The following OSBPL10 variants were observed in gnomAD, a reference collection of about 807,000 sequenced individuals.
The protein encoded by OSBPL10 is oxysterol binding protein like 10.
OSBPL10 carries 49 observed loss-of-function variants against 81.7 expected under a neutral mutation model. The ratio of observed to expected loss-of-function variants is 0.60; its 90% CI spans 0.48 to 0.76. OSBPL10 has a LOEUF of 0.76. Ranked by LOEUF, OSBPL10 falls within the 30% of genes least tolerant of loss-of-function variation. OSBPL10 has a pLI of 0.00. For missense variants in OSBPL10, 923 were observed against 987.8 expected, an observed-to-expected ratio of 0.93 and a Z score of 0.88; for synonymous variants, 419 against 383.6, an observed-to-expected ratio of 1.09 and a Z score of -1.08.
At chr3:31,897,646 G>A (rs1475180309) in intron 1 of OSBPL10, among the ~76,000 whole-genome samples, 1 of 152,086 alleles carries the variant, frequency 6.6e-6, no homozygotes, top group Non-Finnish European at 1.5e-5. Context: ...GAGAAAAAAG[G>A]CAGAAAACCT....
In OSBPL10 at chr3:31,668,669, A is replaced by G. The variant is rs759223554; in HGVS notation, c.2069T>C (p.Leu690Pro). 4 of 1,613,576 alleles carry G rather than the reference A, an allele frequency of 2.5e-6. No homozygotes were observed. The highest frequency in any genetic ancestry group is 2.5e-6 in the Non-Finnish European group (3 of 1,179,778). Residue 690 changes from leucine (L) to proline (P), a missense_variant, in exon 10 of 12, where the codon CTT becomes CCT. Transcript: ENST00000396556. The part of the protein sequence containing the change: ...LPVYPKKIRP[L>P]EKQGPMESRN... ...GGACTCCATGGGTCCCTGCTTCTCA[A>G]GAGGTCTGATCTTCTTGGGATACAC...
intron 2 of OSBPL10, chr3:31,990,126 G>A: frequency 6.2e-7 from 1 of 1,611,608 alleles, no homozygotes. Flanking sequence ...TTTGTGAAAA[G>A]GCTTTCAGGC....
intron 1 of OSBPL10, among the ~76,000 whole-genome samples, chr3:31,944,085 T>C (rs1697622036): frequency 6.6e-6 from 1 of 151,924 alleles, no homozygotes; most frequent in Admixed American, 6.6e-5. Context: ...TTTAGGCTGT[T>C]GCATATTTTC....
chr3:31,772,479 T>C (rs1024558551), intron 4 of OSBPL10, among the ~76,000 whole-genome samples: 8 of 152,216 alleles, frequency 5.3e-5, no homozygotes, highest in Non-Finnish European at 1.0e-4. Context: ...GATTTTATTT[T>C]CCATTTTACC....
intron 4 of OSBPL10, among the ~76,000 whole-genome samples, chr3:31,804,625 C>A (rs1415834050): frequency 2.6e-5 from 4 of 152,184 alleles, no homozygotes; most frequent in African/African-American, 7.2e-5. Flanking sequence ...AGACAAGCAC[C>A]ATTAAAGGTA....
At chr3:31,756,442 T>C (rs957346965) in intron 4 of OSBPL10, among the ~76,000 whole-genome samples, 2 of 152,130 alleles carry the variant, frequency 1.3e-5, no homozygotes, top group Non-Finnish European at 2.9e-5. Context: ...AATCAGACAG[T>C]AAAGACAGTT....
At chr3:31,702,283 T>C (rs1695919274) in intron 7 of OSBPL10, 76 bp downstream of exon 7, 15 of 1,514,232 alleles carry the variant, frequency 9.9e-6, no homozygotes, top group African/African-American at 1.4e-5. Flanking sequence ...ACGAAAAGAA[T>C]GTGCATAGAG....
chr3:31,869,898 G>A (rs892434802), intron 3 of OSBPL10, among the ~76,000 whole-genome samples: 14 of 152,190 alleles, frequency 9.2e-5, no homozygotes, highest in African/African-American at 1.4e-4. Context: ...CTGCCAACAG[G>A]CCAGTTCCTG....
intron 1 of OSBPL10, among the ~76,000 whole-genome samples, chr3:31,954,602 T>C (rs1220024278): frequency 6.6e-6 from 1 of 152,062 alleles, no homozygotes; most frequent in Non-Finnish European, 1.5e-5. Flanking sequence ...GGGGGAAGGA[T>C]GGTGGTTGCC....
chr3:32,063,777 T>TC (rs1699762793), intron 1 of OSBPL10, among the ~76,000 whole-genome samples: 2 of 92,540 alleles, frequency 2.2e-5, no homozygotes, highest in African/African-American at 5.6e-5. Flanking sequence ...TCGCTGTCTC[T>TC]CCCCTGCTGC....
chr3:31,774,976 G>A (rs1698510914), intron 4 of OSBPL10, among the ~76,000 whole-genome samples: 1 of 151,486 alleles, frequency 6.6e-6, no homozygotes, highest in Non-Finnish European at 1.5e-5. Flanking sequence ...AGACCAGCCT[G>A]GCCAACATGG....
chr3:31,764,533 C>A (rs1386307506), intron 4 of OSBPL10, among the ~76,000 whole-genome samples: 1 of 152,176 alleles, frequency 6.6e-6, no homozygotes, highest in African/African-American at 2.4e-5. Flanking sequence ...GAAGAAGGAT[C>A]GAGTTCCAAA....
chr3:31,994,936 AT>A, intron 2 of OSBPL10, among the ~76,000 whole-genome samples: 1 of 152,294 alleles, frequency 6.6e-6, no homozygotes, highest in East Asian at 1.9e-4. Context: ...CAGGGGTGAC[AT>A]CACATATTGG....
Position 31,799,750 on chromosome 3 carries a change from G to A in OSBPL10, c.729+30290C>T, listed in dbSNP as rs894865837. ...AGTACCAGAAACTTACAAGCAAACA[G>A]TGCTTTTTAAGTAATTATGGTAAGT... is the stretch of plus-strand genomic sequence containing the variant. On this transcript the variant is annotated intron_variant, in intron 4 of 11. Coordinates refer to ENST00000396556, the MANE Select transcript of OSBPL10 (RefSeq NM_017784.5). Among the ~76,000 whole-genome samples the A allele has an allele frequency of 2.6e-5, 4 of 152,282 alleles. No individual in the cohort carries two copies. In the East Asian group the frequency reaches 7.7e-4, roughly 29 times the overall value.
At chr3:31,954,484 C>A (rs144256536) in intron 1 of OSBPL10, among the ~76,000 whole-genome samples, 170 of 152,226 alleles carry the variant, frequency 1.1e-3, no homozygotes, top group Middle Eastern at 6.8e-3. Flanking sequence ...TAAATGAATC[C>A]CAAAATGTTA....
chr3:32,036,872 C>T (rs1699524327), intron 2 of OSBPL10, among the ~76,000 whole-genome samples: 1 of 151,974 alleles, frequency 6.6e-6, no homozygotes, highest in South Asian at 2.1e-4. Context: ...ATGATACTCA[C>T]TCGGCTCTTG....
At chr3:31,826,541 G>A (rs527401711) in intron 4 of OSBPL10, among the ~76,000 whole-genome samples, 77 of 152,156 alleles carry the variant, frequency 5.1e-4, no homozygotes, top group African/African-American at 1.8e-3. Context: ...CCTTTGGCTG[G>A]GCTATTTCTC....
At chr3:31,954,525 T>C (rs1343870224) in intron 1 of OSBPL10, among the ~76,000 whole-genome samples, 1 of 152,130 alleles carries the variant, frequency 6.6e-6, no homozygotes, top group East Asian at 1.9e-4. Context: ...ACACAGTAAG[T>C]ATATATTGTG....
At chr3:31,840,903 G>A (rs1700476410) in intron 3 of OSBPL10, among the ~76,000 whole-genome samples, 1 of 152,156 alleles carries the variant, frequency 6.6e-6, no homozygotes, top group African/African-American at 2.4e-5. Context: ...TGTTGTTGTT[G>A]TTGTTGTTGT....
Sources: allele counts gnomAD v4.1 joint callset (sites outside exome capture counted in the v4.1 genomes callset), GRCh38; gene constraint gnomAD v4.1.1; transcripts MANE v1.5; gene names NCBI Gene and HGNC (gene_info 2026-07-23, HGNC 2026-07-21).